The following TTC21A variants were observed in gnomAD, a reference collection of about 807,000 sequenced individuals.
TTC21A encodes the protein tetratricopeptide repeat domain 21A, also known as tetratricopeptide repeat protein 21A.
TTC21A carries 128 observed loss-of-function variants against 156.4 expected under a neutral mutation model. The ratio of observed to expected loss-of-function variants is 0.82; its 90% CI spans 0.71 to 0.95. The LOEUF is 0.95. Among genes scored for constraint, TTC21A ranks in the 40% least tolerant of loss-of-function variants. TTC21A has a pLI of 0.00. For synonymous variants in TTC21A, 587 were observed against 617.1 expected (o/e 0.95, Z 0.72); for missense variants, 1,435 against 1,602.3 (o/e 0.90, Z 1.78).
At chr3:39,109,764 C>G (rs1478764774) in intron 2 of TTC21A, among the ~76,000 whole-genome samples, 1 of 152,184 alleles carries the variant, frequency 6.6e-6, no homozygotes, top group Non-Finnish European at 1.5e-5. Context: ...ACTGACGCAG[C>G]TAATAATTGC....
chr3:39,118,450 T>C (rs1478663805), intron 7 of TTC21A: 3 of 482,452 alleles, frequency 6.2e-6, no homozygotes, highest in African/African-American at 1.9e-5. Flanking sequence ...GCTTCCTGTT[T>C]GTAAAATAGA....
Position 39,134,286 on chromosome 3 carries a change from C to T in TTC21A, c.2820C>T (p.Ala940=), listed in dbSNP as rs2038948721. ...GHLDLCEQHC[A]ILLQTEQNHE... is the part of the protein sequence containing the mutation. ...TGGACCTGTGTGAGCAGCACTGTGC[C>T]ATCCTCCTGCAGACTGAGCAGAACC... Residue 940 remains alanine (A), a synonymous_variant, in exon 21 of 29, where the codon GCC becomes GCT. Coordinates refer to ENST00000683103, the MANE Select transcript of TTC21A (RefSeq NM_001366900.1). The surrounding 1 kb of genome is among the most constrained non-coding windows in gnomAD (Gnocchi z 4.6). The T allele has an allele frequency of 6.2e-7, 1 of 1,614,072 alleles. No individual in the cohort carries two copies. Among genetic ancestry groups the T allele is most frequent in the East Asian group, 2.2e-5 (1 of 44,874 alleles).
At chr3:39,110,238 G>C (rs1313542975) in intron 3 of TTC21A, 99 bp downstream of exon 3, 2 of 872,494 alleles carry the variant, frequency 2.3e-6, no homozygotes, top group Admixed American at 2.0e-5. Flanking sequence ...AAGGAGGTAT[G>C]TGCCCTGGTG....
At chr3:39,114,370 A>G (rs1235369355) in intron 5 of TTC21A, among the ~76,000 whole-genome samples, 2 of 152,118 alleles carry the variant, frequency 1.3e-5, no homozygotes, top group Non-Finnish European at 2.9e-5. Context: ...GCCCCTGCTC[A>G]TCCTGTCCGA....
chr3:39,122,425 G>A (rs556936471), intron 9 of TTC21A, among the ~76,000 whole-genome samples: 2 of 152,242 alleles, frequency 1.3e-5, no homozygotes, highest in South Asian at 4.1e-4. Context: ...ATGGGAATTC[G>A]AAGCAGATCT....
Position 39,128,446 on chromosome 3 carries a change from GT to G in TTC21A, c.1639del (p.Cys547AlafsTer5). 1 of 1,614,210 alleles carries G rather than the reference GT, an allele frequency of 6.2e-7. No individual in the cohort carries two copies. Among genetic ancestry groups the G allele is most frequent in the South Asian group, 1.1e-5 (1 of 91,086 alleles). ...ACTTGGCTCAGGGCAACTTTGGCAT[GT>G]GCTTCCACTGCTTAGAGCTGGGTGT... ...IYLAQGNFGM[C>X]FHCLELGVSH... On this transcript the variant is annotated frameshift_variant, in exon 13 of 29. Transcript: ENST00000683103. LOFTEE classifies it high-confidence loss of function.
At chr3:39,113,137 A>T in intron 5 of TTC21A, among the ~76,000 whole-genome samples, 1 of 152,090 alleles carries the variant, frequency 6.6e-6, no homozygotes, top group East Asian at 1.9e-4. Context: ...ATACATACTT[A>T]TTTAAGAAAA....
rs60845030 is a variant in TTC21A, at chr3:39,124,658, C to CAAAAAAAAAAAAAA, written c.1094-403_1094-390dup. Among the ~76,000 whole-genome samples, 65 of 71,064 alleles carry CAAAAAAAAAAAAAA rather than the reference C, an allele frequency of 9.1e-4. 11 individuals are homozygous for CAAAAAAAAAAAAAA. The highest frequency in any genetic ancestry group is 1.9e-3 in the East Asian group (3 of 1,576). 46.6% of individuals were successfully genotyped at this position (71,064 alleles called of 152,430 possible). A position where few individuals can be genotyped will look rare whatever the true frequency, so the allele number is the denominator to read the frequency against. ...TGGGCAAAAGAGCGAAACTCCGTCTCAAAAAAAAAAAAAAAGCAGATTGTA... is the reference window on the plus strand; with the variant it reads ...TGGGCAAAAGAGCGAAACTCCGTCTCAAAAAAAAAAAAAAAAAAAAAAAAAAAAAGCAGATTGTA... On this transcript the variant is annotated intron_variant, in intron 9 of 28. Coordinates refer to ENST00000683103, the MANE Select transcript of TTC21A (RefSeq NM_001366900.1).
intron 3 of TTC21A, chr3:39,110,518 C>G: frequency 2.0e-6 from 1 of 497,660 alleles, no homozygotes; most frequent in Non-Finnish European, 3.6e-6. Context: ...AGACTACAGA[C>G]TACTATTTCC....
chr3:39,120,478 C>G (rs1181514216), intron 8 of TTC21A, among the ~76,000 whole-genome samples: 2 of 152,176 alleles, frequency 1.3e-5, no homozygotes, highest in Non-Finnish European at 2.9e-5. Context: ...GCCAACAAAT[C>G]TGTATCTCTT....
At chr3:39,119,003 A>T (rs1417881216) in intron 7 of TTC21A, 1 of 152,094 alleles carries the variant, frequency 6.6e-6, no homozygotes, top group Non-Finnish European at 1.5e-5. Context: ...GGAATAAGAG[A>T]ATAGGACTAT....
At chr3:39,119,794 G>T (rs745596913) in intron 7 of TTC21A, 128 bp from the exon 8 acceptor site, 1 of 674,452 alleles carries the variant, frequency 1.5e-6, no homozygotes, top group Non-Finnish European at 2.6e-6. Flanking sequence ...ATTTCTGGGG[G>T]GTTGTGCCTG....
chr3:39,135,014 C>T, intron 21 of TTC21A, 79 bp from the exon 22 acceptor site: 2 of 1,242,854 alleles, frequency 1.6e-6, no homozygotes, highest in South Asian at 1.2e-5. Context: ...CACCATCACC[C>T]CCATACCCCC....
Position 39,130,851 on chromosome 3 carries a change from T to C in TTC21A, c.2458+12T>C. 1 of 1,614,086 alleles carries C rather than the reference T, an allele frequency of 6.2e-7. No individual in the cohort carries two copies. Among genetic ancestry groups the C allele is most frequent in the Non-Finnish European group, 8.5e-7 (1 of 1,179,962 alleles). On this transcript the variant is annotated intron_variant, in intron 18 of 28. Coordinates refer to ENST00000683103, the MANE Select transcript of TTC21A (RefSeq NM_001366900.1). This position sits in a 1 kb window ranked among gnomAD's most constrained non-coding sequence, Gnocchi z 4.5. ...GGAACATGACATTGGTGAGGCAGCATTGTAACCCATTTCTAGCATTTGGAG... is the reference window on the plus strand; with the variant it reads ...GGAACATGACATTGGTGAGGCAGCACTGTAACCCATTTCTAGCATTTGGAG...
Position 39,134,557 on chromosome 3 carries a change from T to C in TTC21A, c.2862+229T>C, listed in dbSNP as rs190804386. The C allele has an allele frequency of 1.2e-4, 72 of 618,566 alleles. No homozygotes were observed. The East Asian group carries it at 1.9e-3, about 17-fold the overall frequency. 38.3% of individuals were successfully genotyped at this position (618,566 alleles called of 1,614,324 possible). On this transcript the variant is annotated intron_variant, in intron 21 of 28. Transcript: ENST00000683103. This position sits in a 1 kb window ranked among gnomAD's most constrained non-coding sequence, Gnocchi z 4.6. ...ATCAATCTCCTGGGCCAGTCTAAGG[T>C]GGGGTGAGGTTGATTCACCCCAGGG...
chr3:39,109,125 A>G lies in TTC21A; in HGVS notation c.68A>G (p.His23Arg), dbSNP rs1467649588. 3 of 1,614,028 alleles carry G rather than the reference A, an allele frequency of 1.9e-6. No individual in the cohort carries two copies. The highest frequency in any genetic ancestry group is 1.1e-5 in the South Asian group (1 of 91,090). ...IYYSQEKYFH[H>R]VQQAAAVGLE... ...TATAGCCAGGAAAAGTACTTCCACC[A>G]TGTGCAGCAGGCTGCAGCTGTGGGC... Residue 23 changes from histidine (H) to arginine (R), a missense_variant, in exon 2 of 29, where the codon CAT (histidine) becomes CGT (arginine). By Grantham distance (29) the His-to-Arg change is conservative. Coordinates refer to ENST00000683103, the MANE Select transcript of TTC21A (RefSeq NM_001366900.1).
In TTC21A at chr3:39,128,432, G is replaced by A. The variant is rs969115830; in HGVS notation, c.1624G>A (p.Gly542Ser). 4 of 1,614,020 alleles carry A rather than the reference G, an allele frequency of 2.5e-6. No individual in the cohort carries two copies. The highest frequency in any genetic ancestry group is 2.2e-5 in the East Asian group (1 of 44,896). Residue 542 changes from glycine (G) to serine (S), a missense_variant, in exon 13 of 29, where the codon GGC (glycine) becomes AGC (serine). Gly to Ser is a moderately conservative substitution (Grantham distance 56). Transcript: ENST00000683103. ...CATGTGTCAGATCTACTTGGCTCAGGGCAACTTTGGCATGTGCTTCCACTG... is the reference window on the plus strand; with the variant it reads ...CATGTGTCAGATCTACTTGGCTCAGAGCAACTTTGGCATGTGCTTCCACTG... Reference protein sequence around the residue: ...LLMCQIYLAQGNFGMCFHCLE... With the variant: ...LLMCQIYLAQSNFGMCFHCLE...
Position 39,128,335 on chromosome 3 carries a change from G to T in TTC21A, c.1527G>T (p.Glu509Asp). ...LMAQVRYYSG[E>D]LENAQSILQR... ...AGGTTTGTGTATTATTTCTAGGAGA[G>T]CTAGAGAATGCCCAGAGCATCCTGC... Residue 509 changes from glutamate (E) to aspartate (D), a missense_variant, in exon 13 of 29, where the codon GAG becomes GAT. Glu to Asp is a conservative substitution (Grantham distance 45). Coordinates refer to ENST00000683103, the MANE Select transcript of TTC21A (RefSeq NM_001366900.1). 1 of 1,614,072 alleles carries T rather than the reference G, an allele frequency of 6.2e-7. No individual in the cohort carries two copies. Among genetic ancestry groups the T allele is most frequent in the South Asian group, 1.1e-5 (1 of 91,080 alleles).
At chr3:39,133,908 C>T (rs1054020800) in intron 20 of TTC21A, among the ~76,000 whole-genome samples, 1 of 152,174 alleles carries the variant, frequency 6.6e-6, no homozygotes, top group African/African-American at 2.4e-5. Context: ...CAGGGCACCA[C>T]TTGGAGGAAT....
Sources: gnomAD v4.1 joint callset for allele counts (sites outside exome capture counted in the v4.1 genomes callset) on GRCh38, gnomAD v4.1.1 for gene constraint, Gnocchi (gnomAD v3.1) non-coding constraint, MANE v1.5 for transcripts, NCBI Gene and HGNC (gene_info 2026-07-23, HGNC 2026-07-21) for gene names.